CEMIP2: variants seen among roughly 807,000 people sequenced by gnomAD.
The protein encoded by CEMIP2 is cell surface hyaluronidase CEMIP2.
A neutral mutation model predicts 146.9 loss-of-function variants in CEMIP2; 79 were observed. The ratio of observed to expected loss-of-function variants is 0.54; its 90% confidence interval spans 0.45 to 0.65. CEMIP2 has a LOEUF of 0.65. Ranked by LOEUF, CEMIP2 falls within the 30% of genes least tolerant of loss-of-function variation. The probability of loss-of-function intolerance (pLI) is 0.00; values close to 1 mark genes in which losing one functional copy is unlikely to be tolerated. For synonymous variants in CEMIP2, 601 were observed against 606.3 expected, an observed-to-expected ratio of 0.99 and a Z score of 0.13; for missense variants, 1,596 against 1,696.2, an observed-to-expected ratio of 0.94 and a Z score of 1.04.
chr9:71,722,363 C>A lies in CEMIP2; in HGVS notation c.2267+64G>T. 4 of 1,237,010 alleles carry A rather than the reference C, an allele frequency of 3.2e-6. No homozygotes were observed. The South Asian group carries it at 5.3e-5, about 16-fold the overall frequency. The allele number at this position is 1,237,010 out of a possible 1,614,324, so 76.6% of individuals were successfully genotyped here. On this transcript the variant is annotated intron_variant, in intron 12 of 23. Transcript: ENST00000377044. ...TACCACAGAAAGAGCACAATAAACT[C>A]CAGTTAGAAAGTTTTGCTTTGGCAA...
At chr9:71,765,270 T>G (rs1005311811) in intron 1 of CEMIP2, among the ~76,000 whole-genome samples, 4 of 152,236 alleles carry the variant, frequency 2.6e-5, no homozygotes, top group African/African-American at 9.6e-5. Flanking sequence ...GATTAAGCTA[T>G]GATTTATATC....
At chr9:71,728,076 T>A (rs1376169102) in intron 10 of CEMIP2, among the ~76,000 whole-genome samples, 1 of 148,848 alleles carries the variant, frequency 6.7e-6, no homozygotes, top group African/African-American at 2.5e-5. Context: ...AACAAAAAGA[T>A]TCATTTAGCC....
At chr9:71,710,779 T>G (rs940606765) in intron 16 of CEMIP2, among the ~76,000 whole-genome samples, 3 of 152,098 alleles carry the variant, frequency 2.0e-5, no homozygotes, top group African/African-American at 7.2e-5. Flanking sequence ...TCCTGCTGAT[T>G]TATGTGGGTG....
At chr9:71,744,400 G>A (rs1175838990) in intron 4 of CEMIP2, among the ~76,000 whole-genome samples, 2 of 151,816 alleles carry the variant, frequency 1.3e-5, no homozygotes, top group African/African-American at 2.4e-5. Flanking sequence ...AAGGAATAGG[G>A]TACAAGAACC....
chr9:71,739,126 C>T (rs13294161), intron 5 of CEMIP2, among the ~76,000 whole-genome samples: 28,345 of 150,228 alleles, frequency 0.19, 3,049 homozygotes, highest in African/African-American at 0.3. Flanking sequence ...CAATATCTTA[C>T]GATAACTAGA....
At chr9:71,706,619 C>T (rs1564001445) in intron 17 of CEMIP2, among the ~76,000 whole-genome samples, 2 of 152,020 alleles carry the variant, frequency 1.3e-5, no homozygotes, top group Non-Finnish European at 2.9e-5. Context: ...TTGGTAGTTG[C>T]AATGGTAATT....
chr9:71,732,632 A>C, intron 6 of CEMIP2, 112 bp from the exon 7 acceptor site: 3 of 937,698 alleles, frequency 3.2e-6, no homozygotes, highest in Non-Finnish European at 4.3e-6. Context: ...CTGACAACTT[A>C]TCATCTGCTC....
intron 17 of CEMIP2, among the ~76,000 whole-genome samples, chr9:71,708,914 G>T (rs1822828804): frequency 1.3e-5 from 2 of 152,078 alleles, no homozygotes; most frequent in African/African-American, 4.8e-5. Context: ...CCTCTTAGAG[G>T]GCATAGCTGT....
intron 18 of CEMIP2, among the ~76,000 whole-genome samples, chr9:71,703,561 G>A (rs112037728): frequency 3.0e-4 from 46 of 152,224 alleles, no homozygotes; most frequent in Middle Eastern, 3.4e-3. Flanking sequence ...GCTTGATGAC[G>A]ACTCAGGTGA....
intron 6 of CEMIP2, among the ~76,000 whole-genome samples, chr9:71,734,408 G>C (rs893637651): frequency 6.6e-6 from 1 of 152,082 alleles, no homozygotes; most frequent in Non-Finnish European, 1.5e-5. Context: ...ATGCATGCTT[G>C]GATTAATACT....
chr9:71,685,523 T>C, intron 23 of CEMIP2, 130 bp from the exon 24 acceptor site: 3 of 1,159,074 alleles, frequency 2.6e-6, no homozygotes, highest in Non-Finnish European at 3.5e-6. Context: ...TGCACTTCCT[T>C]ACATCAGCAA....
chr9:71,728,815 T>TG (rs1554684960), intron 10 of CEMIP2, among the ~76,000 whole-genome samples: 25 of 148,312 alleles, frequency 1.7e-4, no homozygotes, highest in African/African-American at 4.0e-4. Flanking sequence ...TGTGGGGTTT[T>TG]TGTGTGTGTG....
At chr9:71,721,135 A>G (rs1033010566) in intron 12 of CEMIP2, among the ~76,000 whole-genome samples, 5 of 152,052 alleles carry the variant, frequency 3.3e-5, no homozygotes, top group Non-Finnish European at 7.4e-5. Flanking sequence ...AAGAGAACCA[A>G]TTGTGTTTAT....
chr9:71,733,167 T>A (rs1823672400), intron 6 of CEMIP2, among the ~76,000 whole-genome samples: 1 of 152,238 alleles, frequency 6.6e-6, no homozygotes, highest in Non-Finnish European at 1.5e-5. Flanking sequence ...AATCTGCAAC[T>A]GGACATTAAC....
intron 1 of CEMIP2, among the ~76,000 whole-genome samples, chr9:71,755,609 T>A (rs1198323426): frequency 6.6e-6 from 1 of 151,888 alleles, no homozygotes; most frequent in Non-Finnish European, 1.5e-5. Context: ...ATTGAGCTAT[T>A]CTCATTTAAT....
At chr9:71,743,775 G>A (rs918765864) in intron 4 of CEMIP2, among the ~76,000 whole-genome samples, 1 of 152,096 alleles carries the variant, frequency 6.6e-6, no homozygotes. Context: ...TCCCCTACAT[G>A]AATAAAAGCC....
chr9:71,726,201 G>A (rs1013750948), intron 10 of CEMIP2, among the ~76,000 whole-genome samples: 2 of 151,922 alleles, frequency 1.3e-5, no homozygotes, highest in Non-Finnish European at 2.9e-5. Flanking sequence ...GCAAATTTTT[G>A]CCAAAGAAAA....
intron 21 of CEMIP2, 107 bp from the exon 22 acceptor site, chr9:71,690,353 A>G: frequency 7.5e-7 from 1 of 1,334,780 alleles, no homozygotes; most frequent in Non-Finnish European, 1.0e-6. Flanking sequence ...CATGATTCAA[A>G]GTATATTTCC....
intron 15 of CEMIP2, among the ~76,000 whole-genome samples, chr9:71,712,610 A>T (rs940910564): frequency 6.6e-6 from 1 of 152,140 alleles, no homozygotes; most frequent in Non-Finnish European, 1.5e-5. Context: ...TTTATTCGGA[A>T]CCTCAGGTAC....
Sources: allele counts gnomAD v4.1 joint callset (sites outside exome capture counted in the v4.1 genomes callset), GRCh38; gene constraint gnomAD v4.1.1; transcripts MANE v1.5; gene names NCBI Gene and HGNC (gene_info 2026-07-23, HGNC 2026-07-21).